The following CSMD1 variants were observed in gnomAD, a reference collection of about 807,000 sequenced individuals.
CSMD1 encodes CUB and sushi domain-containing protein 1.
A neutral mutation model predicts 417.5 loss-of-function variants in CSMD1; 213 were observed. The observed-to-expected ratio is 0.51, with a 90% CI of 0.46 to 0.57. The LOEUF (loss-of-function observed/expected upper bound fraction) is 0.57. Ranked by LOEUF, CSMD1 falls within the 20% of genes least tolerant of loss-of-function variation. The pLI, the probability that CSMD1 is intolerant of heterozygous loss-of-function variation, is 0.00. For missense variants in CSMD1, 6,923 were observed against 4,529.7 expected, an observed-to-expected ratio of 1.53 and a Z score of -15.17; for synonymous variants, 2,862 against 1,736.8, an observed-to-expected ratio of 1.65 and a Z score of -16.11.
chr8:3,280,843 G>C (rs1397831147), intron 26 of CSMD1, among the ~76,000 whole-genome samples: 3 of 151,962 alleles, frequency 2.0e-5, no homozygotes, highest in Non-Finnish European at 4.4e-5. Context: ...TTATAATAAA[G>C]GGTCTTCTTC....
At chr8:3,549,163 A>G (rs930400368) in intron 10 of CSMD1, among the ~76,000 whole-genome samples, 1 of 152,124 alleles carries the variant, frequency 6.6e-6, no homozygotes, top group African/African-American at 2.4e-5. Flanking sequence ...TCTGCAAACT[A>G]CAGCTCACGG....
At chr8:4,160,756 T>G (rs561734954) in intron 3 of CSMD1, among the ~76,000 whole-genome samples, 6 of 152,336 alleles carry the variant, frequency 3.9e-5, no homozygotes, top group Admixed American at 3.3e-4. Context: ...CTACATTTAC[T>G]CAGTCACACT....
chr8:3,486,867 G>A (rs942446089), intron 11 of CSMD1, among the ~76,000 whole-genome samples: 1 of 152,150 alleles, frequency 6.6e-6, no homozygotes, highest in Non-Finnish European at 1.5e-5. Flanking sequence ...AGGGTTCTTG[G>A]AAGAGGAAAC....
rs73497789 is a variant in CSMD1 at position 4,984,783 on chromosome 8, G to A, written c.85+9549C>T. Among the ~76,000 whole-genome samples the A allele has an allele frequency of 4.6e-3, 702 of 152,262 alleles. 6 individuals are homozygous for A. The highest frequency in any genetic ancestry group is 0.016 in the African/African-American group (662 of 41,562). ...CAGAAGGAAAAACCCCCAGATTCTT[G>A]CCAGAACAGAAACCCATACTTAGTG... On this transcript the variant is annotated intron_variant, in intron 1 of 69. Transcript: ENST00000635120.
chr8:4,553,021 T>C (rs1797939174), intron 2 of CSMD1, among the ~76,000 whole-genome samples: 1 of 152,206 alleles, frequency 6.6e-6, no homozygotes, highest in African/African-American at 2.4e-5. Flanking sequence ...AGTCAGAACA[T>C]GAAGCACGTT....
chr8:4,976,628 A>C (rs559077820), intron 1 of CSMD1, among the ~76,000 whole-genome samples: 19 of 152,322 alleles, frequency 1.2e-4, no homozygotes, highest in South Asian at 1.2e-3. Flanking sequence ...ATTGTGTGCT[A>C]AACTCATTTG....
intron 1 of CSMD1, among the ~76,000 whole-genome samples, chr8:4,747,368 G>A (rs948214652): frequency 1.3e-5 from 2 of 152,044 alleles, no homozygotes; most frequent in Non-Finnish European, 2.9e-5. Context: ...TCTAGGATAC[G>A]GTTTTCATGG....
chr8:3,072,575 C>A (rs1039926123), intron 49 of CSMD1, among the ~76,000 whole-genome samples: 3 of 152,164 alleles, frequency 2.0e-5, no homozygotes, highest in Non-Finnish European at 4.4e-5. Flanking sequence ...TGCATGTGTG[C>A]CTGGGTTTCC....
intron 2 of CSMD1, among the ~76,000 whole-genome samples, chr8:4,584,410 G>C (rs565589030): frequency 1.2e-4 from 18 of 152,008 alleles, no homozygotes; most frequent in Non-Finnish European, 2.4e-4. Context: ...ATTAGAATTC[G>C]GGGGCTAAAT....
intron 3 of CSMD1, among the ~76,000 whole-genome samples, chr8:4,133,607 T>C (rs1161044378): frequency 6.6e-6 from 1 of 152,194 alleles, no homozygotes; most frequent in Admixed American, 6.5e-5. Context: ...ACATCTTTCA[T>C]GCTAAGCATT....
chr8:4,145,469 T>G (rs1045940314), intron 3 of CSMD1, among the ~76,000 whole-genome samples: 2 of 151,210 alleles, frequency 1.3e-5, no homozygotes, highest in Non-Finnish European at 2.9e-5. Context: ...TATTGAAATA[T>G]ATACGGTAAA....
intron 52 of CSMD1, among the ~76,000 whole-genome samples, chr8:3,007,722 G>A (rs181791074): frequency 0.019 from 2,772 of 144,656 alleles, 79 homozygotes; most frequent in African/African-American, 0.066. Context: ...ACTGAACAGT[G>A]AGATCACATG....
chr8:4,103,699 T>G (rs972333144), intron 3 of CSMD1, among the ~76,000 whole-genome samples: 10 of 152,116 alleles, frequency 6.6e-5, no homozygotes, highest in African/African-American at 2.4e-4. Flanking sequence ...AGTGAATGCT[T>G]AAAACCCATG....
intron 5 of CSMD1, among the ~76,000 whole-genome samples, chr8:3,982,093 G>A (rs1037466793): frequency 1.3e-5 from 2 of 151,464 alleles, no homozygotes; most frequent in African/African-American, 4.9e-5. Flanking sequence ...GGGAGGTGGA[G>A]GTTGCAGTGA....
At chr8:3,747,433 G>C (rs10503216) in intron 6 of CSMD1, among the ~76,000 whole-genome samples, 6 of 151,364 alleles carry the variant, frequency 4.0e-5, no homozygotes, top group African/African-American at 1.5e-4. Context: ...TTTTACTAAT[G>C]GTCATCCATG....
intron 49 of CSMD1, among the ~76,000 whole-genome samples, chr8:3,059,252 CA>C (rs34479938): frequency 3.4e-3 from 470 of 140,042 alleles, no homozygotes; most frequent in Middle Eastern, 7.6e-3. Flanking sequence ...CCCCAGACAT[CA>C]AAAAAAAAAA....
At chr8:4,574,975 T>A (rs1328612264) in intron 2 of CSMD1, among the ~76,000 whole-genome samples, 1 of 152,210 alleles carries the variant, frequency 6.6e-6, no homozygotes, top group Non-Finnish European at 1.5e-5. Flanking sequence ...GAAATTCAGG[T>A]GAAATTCGGT....
At chr8:4,374,411 C>A (rs11990908) in intron 3 of CSMD1, among the ~76,000 whole-genome samples, 8,763 of 152,132 alleles carry the variant, frequency 0.058, 662 homozygotes, top group African/African-American at 0.17. Context: ...GGGCTGAAGG[C>A]ACCTGAAAAA....
chr8:4,758,037 C>T (rs1026319291), intron 1 of CSMD1, among the ~76,000 whole-genome samples: 3 of 151,896 alleles, frequency 2.0e-5, no homozygotes, highest in African/African-American at 7.3e-5. Context: ...GCACAAACTC[C>T]CTTTAGGATA....
Sources: gnomAD v4.1 joint callset for allele counts (sites outside exome capture counted in the v4.1 genomes callset) on GRCh38, gnomAD v4.1.1 for gene constraint, MANE v1.5 for transcripts, NCBI Gene and HGNC (gene_info 2026-07-23, HGNC 2026-07-21) for gene names.